Variants in ZMYND11 observed in about 807,000 individuals in gnomAD.
ZMYND11 encodes the protein zinc finger MYND domain-containing protein 11.
Under a neutral mutation model 84.9 loss-of-function variants are expected in ZMYND11, and 9 were observed. That is an observed-to-expected ratio of 0.11 (90% confidence interval 0.06 to 0.18). The LOEUF (loss-of-function observed/expected upper bound fraction) is 0.18, where lower values mean the gene tolerates loss of function less well. Ranked by LOEUF, ZMYND11 falls within the 10% of genes least tolerant of loss-of-function variation. The probability of loss-of-function intolerance (pLI) is 1.00; values close to 1 mark genes in which losing one functional copy is unlikely to be tolerated. For missense variants in ZMYND11, 409 were observed against 761.0 expected (o/e 0.54, Z 5.44); for synonymous variants, 250 against 244.1 (o/e 1.02, Z -0.23).
intron 1 of ZMYND11, among the ~76,000 whole-genome samples, chr10:166,346 T>G (rs782602489): frequency 2.6e-5 from 4 of 152,130 alleles, no homozygotes; most frequent in Admixed American, 2.6e-4. Context: ...AAAGCTTATA[T>G]CTGATACTGG....
intron 1 of ZMYND11, among the ~76,000 whole-genome samples, chr10:170,697 T>C (rs1438010907): frequency 2.6e-5 from 4 of 152,100 alleles, no homozygotes; most frequent in African/African-American, 7.2e-5. Flanking sequence ...GTATAATTGA[T>C]GTGATAAGAA....
At chr10:162,154 G>C (rs141894613) in intron 1 of ZMYND11, among the ~76,000 whole-genome samples, 27 of 152,144 alleles carry the variant, frequency 1.8e-4, no homozygotes, top group Non-Finnish European at 3.4e-4. Flanking sequence ...AAGGAGGCTC[G>C]AGCAGAGGGA....
At chr10:159,609 T>A (rs377468333) in intron 1 of ZMYND11, among the ~76,000 whole-genome samples, 1 of 152,310 alleles carries the variant, frequency 6.6e-6, no homozygotes, top group East Asian at 1.9e-4. Flanking sequence ...TATTCTGAAA[T>A]TTCAGAGGTT....
chr10:216,373 T>C lies in ZMYND11; in HGVS notation c.277-4822T>C, dbSNP rs548040220. Among the ~76,000 whole-genome samples, 29 of 152,350 alleles carry C rather than the reference T, an allele frequency of 1.9e-4. No homozygotes were observed. The South Asian group carries it at 5.4e-3, about 28-fold the overall frequency. ...CTTTTTCTTGATAAAATTATAGTTA[T>C]AATAGTTGTCATAAGTTAATCAATC... On this transcript the variant is annotated intron_variant, in intron 3 of 14. Transcript: ENST00000381604.
chr10:137,376 A>C (rs1836357093), intron 1 of ZMYND11, among the ~76,000 whole-genome samples: 1 of 152,152 alleles, frequency 6.6e-6, no homozygotes, highest in Non-Finnish European at 1.5e-5. Flanking sequence ...GGTCCTCCTC[A>C]CTTAGGTGTT....
At chr10:212,068 TA>T (rs1385721345) in intron 3 of ZMYND11, among the ~76,000 whole-genome samples, 1 of 152,186 alleles carries the variant, frequency 6.6e-6, no homozygotes. Flanking sequence ...ACTTAATCTA[TA>T]GGATTTTGGT....
intron 1 of ZMYND11, among the ~76,000 whole-genome samples, chr10:165,205 T>C (rs917945889): frequency 3.3e-5 from 5 of 152,130 alleles, no homozygotes; most frequent in African/African-American, 9.7e-5. Context: ...GACCAACATA[T>C]TGCTAAATCT....
At chr10:248,657 T>G (rs1485613524) in intron 13 of ZMYND11, 49 bp downstream of exon 13, 1 of 1,547,948 alleles carries the variant, frequency 6.5e-7, no homozygotes, top group Non-Finnish European at 8.7e-7. Flanking sequence ...GGCACTCCTG[T>G]CATGGTTAGG....
At chr10:160,284 GT>G (rs1842667125) in intron 1 of ZMYND11, among the ~76,000 whole-genome samples, 1 of 152,212 alleles carries the variant, frequency 6.6e-6, no homozygotes, top group Non-Finnish European at 1.5e-5. Context: ...TGCAACAACA[GT>G]TATGTCTAAC....
intron 1 of ZMYND11, among the ~76,000 whole-genome samples, chr10:170,402 A>C (rs1432239048): frequency 2.0e-5 from 3 of 150,102 alleles, no homozygotes; most frequent in Admixed American, 6.8e-5. Flanking sequence ...TCGAAACAAT[A>C]ATAGTAACTG....
intron 14 of ZMYND11, chr10:249,435 C>T (rs766394107): frequency 1.0e-6 from 1 of 985,276 alleles, no homozygotes; most frequent in Non-Finnish European, 1.2e-6. Flanking sequence ...AGATGGGTAA[C>T]ATCCAAATGG....
chr10:246,688 G>T, intron 10 of ZMYND11, 78 bp from the exon 11 acceptor site: 1 of 1,374,854 alleles, frequency 7.3e-7, no homozygotes, highest in Non-Finnish European at 1.0e-6. Flanking sequence ...TGGCAGGCAG[G>T]GTCCACTGAA....
intron 4 of ZMYND11, among the ~76,000 whole-genome samples, chr10:234,982 A>ATGTGTGTGTGTGTGTGTGTGTGTG (rs60483060): frequency 1.1e-4 from 16 of 148,884 alleles, no homozygotes; most frequent in Admixed American, 2.7e-4. Context: ...TATTTCGCAA[A>ATGTGTGTGTGTGTGTGTGTGTGTG]TGTGTGTGTG....
chr10:133,363 T>C (rs1308487575), upstream of ZMYND11, among the ~76,000 whole-genome samples: 1 of 152,180 alleles, frequency 6.6e-6, no homozygotes, highest in Non-Finnish European at 1.5e-5. Context: ...TTCGTATTCA[T>C]CTTAGTGGAT....
chr10:215,363 A>G lies in ZMYND11; in HGVS notation c.276+5315A>G, dbSNP rs528276913. Among the ~76,000 whole-genome samples the G allele has an allele frequency of 7.4e-4, 113 of 152,126 alleles. 1 individual carries two copies. The South Asian group carries it at 0.012, about 17-fold the overall frequency. On this transcript the variant is annotated intron_variant, in intron 3 of 14. Transcript: ENST00000381604. ...AAACTACTTCTCCCTTTACTTACCT[A>G]CCAGGTTTGGTCTCACAGCCTCATT...
At chr10:136,608 G>C (rs782242594) in intron 1 of ZMYND11, among the ~76,000 whole-genome samples, 4 of 152,086 alleles carry the variant, frequency 2.6e-5, no homozygotes, top group Non-Finnish European at 4.4e-5. Flanking sequence ...TGAGCTGTGC[G>C]TGTGGTACTC....
intron 1 of ZMYND11, among the ~76,000 whole-genome samples, chr10:173,026 C>T (rs1845719172): frequency 6.6e-6 from 1 of 151,350 alleles, no homozygotes; most frequent in Non-Finnish European, 1.5e-5. Context: ...AAATGGACAT[C>T]CACTTTCAGA....
chr10:232,805 C>G (rs1191194446), intron 4 of ZMYND11, among the ~76,000 whole-genome samples: 1 of 152,192 alleles, frequency 6.6e-6, no homozygotes, highest in Non-Finnish European at 1.5e-5. Context: ...GAAGAAAAAA[C>G]CAACCCAAAT....
In ZMYND11 at chr10:248,613, T is replaced by A; in HGVS notation, c.1500+5T>A. ...GTCCGAGAAGCTCTGGAGAAGGTAA[T>A]GCTTGTCGCCACTGTGGGTGCCCTG... On this transcript the variant is annotated splice_donor_5th_base_variant and intron_variant, in intron 13 of 14. Coordinates refer to ENST00000381604, the MANE Select transcript of ZMYND11 (RefSeq NM_001370100.5). The A allele has an allele frequency of 6.3e-7, 1 of 1,594,402 alleles. No individual in the cohort carries two copies. Among genetic ancestry groups the A allele is most frequent in the Non-Finnish European group, 8.5e-7 (1 of 1,171,264 alleles).
Sources: allele counts gnomAD v4.1 joint callset (sites outside exome capture counted in the v4.1 genomes callset), GRCh38; gene constraint gnomAD v4.1.1; transcripts MANE v1.5; gene names NCBI Gene and HGNC (gene_info 2026-07-23, HGNC 2026-07-21).